ITPR2: variants seen among roughly 807,000 people sequenced by gnomAD.
The protein encoded by ITPR2 is inositol 1,4,5-trisphosphate-gated calcium channel ITPR2.
In ITPR2, 207 loss-of-function variants were observed where a neutral mutation model predicts 317.1. That is an observed-to-expected ratio of 0.65 (90% confidence interval 0.58 to 0.73). The LOEUF is 0.73. Ranked by LOEUF, ITPR2 falls within the 30% of genes least tolerant of loss-of-function variation. The probability of loss-of-function intolerance (pLI) is 0.00; values close to 1 mark genes in which losing one functional copy is unlikely to be tolerated. For synonymous variants in ITPR2, 1,156 were observed against 1,149.1 expected (o/e 1.01, Z -0.12); for missense variants, 2,613 against 3,284.0 (o/e 0.80, Z 4.99).
At chr12:26,449,543 A>G (rs148995457) in intron 45 of ITPR2, among the ~76,000 whole-genome samples, 1 of 152,334 alleles carries the variant, frequency 6.6e-6, no homozygotes, top group East Asian at 1.9e-4. Context: ...ATAGACATGT[A>G]ATTAATACAA....
Position 26,415,221 on chromosome 12 carries a change from G to A in ITPR2, c.7306+82C>T, listed in dbSNP as rs994412690. ...AAAAGAAAACATTTCCTCTATTCGT[G>A]TTTATCTATGATCCTGTTAACAAGC... On this transcript the variant is annotated intron_variant, in intron 51 of 56. Transcript: ENST00000381340. The A allele has an allele frequency of 3.4e-6, 3 of 888,146 alleles. No individual in the cohort carries two copies. The African/African-American group carries it at 5.1e-5, about 15-fold the overall frequency. The allele number at this position is 888,146 out of a possible 1,614,324, so 55.0% of individuals were successfully genotyped here. A position where few individuals can be genotyped will look rare whatever the true frequency, so the allele number is the denominator to read the frequency against.
chr12:26,710,184 G>A (rs1056632058), intron 9 of ITPR2, among the ~76,000 whole-genome samples: 2 of 152,128 alleles, frequency 1.3e-5, no homozygotes, highest in Admixed American at 6.5e-5. Flanking sequence ...AGTGCATCAC[G>A]GCACTCCAGC....
intron 2 of ITPR2, among the ~76,000 whole-genome samples, chr12:26,765,321 C>T (rs1166878985): frequency 6.6e-6 from 1 of 151,944 alleles, no homozygotes; most frequent in East Asian, 1.9e-4. Context: ...AATGGAGATA[C>T]AATTTTGTTA....
chr12:26,463,635 A>C (rs1942096075), intron 45 of ITPR2, among the ~76,000 whole-genome samples: 2 of 152,148 alleles, frequency 1.3e-5, no homozygotes, highest in Non-Finnish European at 2.9e-5. Flanking sequence ...ACTGCACTCC[A>C]GCCTGGGCAA....
intron 27 of ITPR2, 40 bp from the exon 28 acceptor site, chr12:26,602,535 A>G (rs1946026041): frequency 6.3e-7 from 1 of 1,582,838 alleles, no homozygotes; most frequent in African/African-American, 1.4e-5. Context: ...ATAATAAATA[A>G]CAATATTAAG....
chr12:26,339,892 A>AT (rs373120220), intron 56 of ITPR2, among the ~76,000 whole-genome samples: 17 of 151,808 alleles, frequency 1.1e-4, no homozygotes, highest in African/African-American at 2.7e-4. Flanking sequence ...GCAGAAAATG[A>AT]TTTTTTTTTA....
rs189751169 is a variant in ITPR2 at position 26,588,469 on chromosome 12, G to A, written c.4380+6996C>T. Reference sequence around the variant, plus strand: ...TTAGTTAAAAGACCATATAAAATGAGCCCTTTTGAATGAGATTTTTTAATA... The same window carrying A: ...TTAGTTAAAAGACCATATAAAATGAACCCTTTTGAATGAGATTTTTTAATA... On this transcript the variant is annotated intron_variant, in intron 32 of 56. Transcript: ENST00000381340. Among the ~76,000 whole-genome samples, 22 of 152,196 alleles carry A rather than the reference G, an allele frequency of 1.4e-4. No homozygotes were observed. The East Asian group carries it at 4.2e-3, about 29-fold the overall frequency.
chr12:26,458,241 C>T (rs976255300), intron 45 of ITPR2, among the ~76,000 whole-genome samples: 1 of 152,160 alleles, frequency 6.6e-6, no homozygotes, highest in African/African-American at 2.4e-5. Flanking sequence ...GAGTGAGCAG[C>T]TCTGCCAGGC....
chr12:26,350,957 A>T (rs1938461786), intron 55 of ITPR2, among the ~76,000 whole-genome samples: 1 of 152,188 alleles, frequency 6.6e-6, no homozygotes, highest in South Asian at 2.1e-4. Context: ...CGAGGGATAG[A>T]GCCACAGAGA....
intron 21 of ITPR2, among the ~76,000 whole-genome samples, chr12:26,651,856 T>C (rs1018326169): frequency 1.3e-5 from 2 of 152,216 alleles, no homozygotes; most frequent in Admixed American, 6.5e-5. Context: ...TGTCCATCGA[T>C]GTTTCAGGTT....
chr12:26,497,706 G>T (rs979698198), intron 37 of ITPR2, among the ~76,000 whole-genome samples: 1 of 133,588 alleles, frequency 7.5e-6, no homozygotes, highest in Admixed American at 7.9e-5. Context: ...ATAGTGCCAA[G>T]AATTTTTTTT....
rs981553103 is a variant in ITPR2, at chr12:26,646,997, T to C, written c.2740+6979A>G. Among the ~76,000 whole-genome samples, 4 of 152,348 alleles carry C rather than the reference T, an allele frequency of 2.6e-5. No homozygotes were observed. In the East Asian group the frequency reaches 7.7e-4, roughly 29 times the overall value. On this transcript the variant is annotated intron_variant, in intron 21 of 56. Transcript: ENST00000381340. ...TGGTTGGTCTTTTGGTAGTTTTCTA[T>C]GATCTACTGCCTTTTCAAATTATGG...
chr12:26,686,553 T>C lies in ITPR2; in HGVS notation c.1076A>G (p.His359Arg), dbSNP rs374771858. 1.4e-5 allele frequency: 22 copies of C among 1,612,562 alleles called. No homozygotes were observed. The highest frequency in any genetic ancestry group is 8.4e-5 in the Admixed American group (5 of 59,874). ...AAAAAGGGATGCAATGTCATTGCCA[T>C]GCGGGACTGAAACCAAAGTATACAT... ...KIMYTLVSVPHGNDIASLFEL... is the reference protein window; with the variant it reads ...KIMYTLVSVPRGNDIASLFEL... Residue 359 changes from histidine (H) to arginine (R), a missense_variant, in exon 11 of 57, where the codon CAT becomes CGT. Physicochemically the swap from His to Arg is conservative, Grantham distance 29. This residue lies in a region of ITPR2 where 515 missense variants were observed against 789.4 expected (regional missense o/e 0.65). Coordinates refer to ENST00000381340, the MANE Select transcript of ITPR2 (RefSeq NM_002223.4).
intron 8 of ITPR2, among the ~76,000 whole-genome samples, chr12:26,711,515 G>C (rs1479766228): frequency 6.6e-6 from 1 of 152,162 alleles, no homozygotes; most frequent in Non-Finnish European, 1.5e-5. Flanking sequence ...GCTTTACTCA[G>C]AAAGACATGT....
chr12:26,676,140 A>C (rs1212344980), intron 13 of ITPR2, among the ~76,000 whole-genome samples: 4 of 152,080 alleles, frequency 2.6e-5, no homozygotes, highest in Non-Finnish European at 5.9e-5. Flanking sequence ...CCTGGGCGAC[A>C]GAGCAAGACT....
chr12:26,369,839 A>AC (rs1008347835), intron 55 of ITPR2, among the ~76,000 whole-genome samples: 1 of 152,290 alleles, frequency 6.6e-6, no homozygotes, highest in South Asian at 2.1e-4. Context: ...TCTGGAGAGT[A>AC]CAAGGGGGCT....
Position 26,439,279 on chromosome 12 carries a change from G to A in ITPR2, c.6491C>T (p.Pro2164Leu). ...GAGGTATTCACATATATTGGGGACAGGAAAAACTATTTGTTCCATGGTCCT... is the reference window on the plus strand; with the variant it reads ...GAGGTATTCACATATATTGGGGACAAGAAAAACTATTTGTTCCATGGTCCT... ...HDRTMEQIVF[P>L]VPNICEYLTR... is the part of the protein sequence containing the mutation. Residue 2164 changes from proline to leucine, a missense_variant, in exon 47 of 57, where the codon CCT (proline) becomes CTT (leucine). Physicochemically the swap from Pro to Leu is moderately conservative, Grantham distance 98. Transcript: ENST00000381340. 2 of 1,609,908 alleles carry A rather than the reference G, an allele frequency of 1.2e-6. No homozygotes were observed. The highest frequency in any genetic ancestry group is 1.7e-6 in the Non-Finnish European group (2 of 1,178,310).
At chr12:26,641,932 G>A in intron 21 of ITPR2, among the ~76,000 whole-genome samples, 1 of 54,472 alleles carries the variant, frequency 1.8e-5, no homozygotes, top group South Asian at 7.0e-4. Context: ...TAAAAGCTTA[G>A]AAGGAAAAAA....
At chr12:26,553,399 A>G (rs1944578424) in intron 36 of ITPR2, among the ~76,000 whole-genome samples, 1 of 152,194 alleles carries the variant, frequency 6.6e-6, no homozygotes, top group Non-Finnish European at 1.5e-5. Context: ...CAAGAATTAG[A>G]TTTATTTGAG....
Sources: gnomAD v4.1 joint callset for allele counts (sites outside exome capture counted in the v4.1 genomes callset) on GRCh38, gnomAD v4.1.1 for gene constraint, gnomAD v4.1.1 regional missense constraint, MANE v1.5 for transcripts, NCBI Gene and HGNC (gene_info 2026-07-23, HGNC 2026-07-21) for gene names.